The following CDCA3 variants were observed in gnomAD, a reference collection of about 807,000 sequenced individuals.
CDCA3 encodes cell division cycle associated 3.
A neutral mutation model predicts 29.1 loss-of-function variants in CDCA3; 16 were observed. The observed-to-expected ratio is 0.55, with a 90% CI of 0.37 to 0.83. The LOEUF is 0.83. Among genes scored for constraint, CDCA3 ranks in the 40% least tolerant of loss-of-function variants. The pLI is 0.00. For missense variants in CDCA3, 291 were observed against 327.2 expected (o/e 0.89, Z 0.85); for synonymous variants, 88 against 124.5 (o/e 0.71, Z 1.95).
rs1713215893 is a variant in CDCA3 at position 6,850,404 on chromosome 12, A to G, written c.250+63T>C. On this transcript the variant is annotated intron_variant, in intron 3 of 5. Coordinates refer to ENST00000538862, the MANE Select transcript of CDCA3 (RefSeq NM_031299.7). This position sits in a 1 kb window ranked among gnomAD's most constrained non-coding sequence, Gnocchi z 4.7. ...TAAGGAACCCTGAGAGAATGGCTTC[A>G]TGGACCCTACCCAAGAATAATAGAT... The G allele has an allele frequency of 6.2e-7, 1 of 1,604,260 alleles. No homozygotes were observed. The highest frequency in any genetic ancestry group is 1.7e-4 in the Middle Eastern group (1 of 5,958).
chr12:6,851,053 C>G (rs1429529249), intron 1 of CDCA3, 44 bp from the exon 2 acceptor site: 1 of 1,462,954 alleles, frequency 6.8e-7, no homozygotes, highest in Non-Finnish European at 9.0e-7. Flanking sequence ...TCTTCCACGT[C>G]GGACCTTCAA....
downstream of CDCA3, among the ~76,000 whole-genome samples, chr12:6,847,835 A>T (rs1555125115): frequency 6.6e-6 from 1 of 152,140 alleles, no homozygotes; most frequent in African/African-American, 2.4e-5. Context: ...CTGGGGAAAC[A>T]AGGTAGGAGG....
At chr12:6,847,838 G>T (rs78746537), downstream of CDCA3, among the ~76,000 whole-genome samples, 5,567 of 152,236 alleles carry the variant, frequency 0.037, 257 homozygotes, top group African/African-American at 0.097. Flanking sequence ...GGGAAACAAG[G>T]TAGGAGGCAG....
At position 6,849,697 on chromosome 12, in the gene CDCA3, G is replaced by C; in HGVS notation, c.412C>G (p.Pro138Ala). The C allele has an allele frequency of 1.2e-6, 2 of 1,614,130 alleles. No individual in the cohort carries two copies. The highest frequency in any genetic ancestry group is 1.7e-6 in the Non-Finnish European group (2 of 1,180,018). Reference sequence around the variant, plus strand: ...GAGGGGAACTCAGTCTGGTTCCAAGGTGGCATCTGTTCCTCAACAGATAAC... The same window carrying C: ...GAGGGGAACTCAGTCTGGTTCCAAGCTGGCATCTGTTCCTCAACAGATAAC... The part of the protein sequence containing the change: ...TQLSVEEQMP[P>A]WNQTEFPSKQ... Residue 138 changes from proline to alanine, a missense_variant, in exon 4 of 6, where the codon CCT (proline) becomes GCT (alanine). Pro to Ala is a conservative substitution (Grantham distance 27). Coordinates refer to ENST00000538862, the MANE Select transcript of CDCA3 (RefSeq NM_031299.7). The surrounding 1 kb of genome is among the most constrained non-coding windows in gnomAD (Gnocchi z 5.2).
Position 6,849,326 on chromosome 12 carries a change from T to C in CDCA3, c.648A>G (p.Arg216=). 1.3e-6 allele frequency: 2 copies of C among 1,599,384 alleles called. No individual in the cohort carries two copies. The highest frequency in any genetic ancestry group is 1.7e-6 in the Non-Finnish European group (2 of 1,172,288). The change falls in exon 5 of 6, where the codon CGA becomes CGG. Residue 216 remains arginine, a synonymous_variant. Coordinates refer to ENST00000538862, the MANE Select transcript of CDCA3 (RefSeq NM_031299.7). This position sits in a 1 kb window ranked among gnomAD's most constrained non-coding sequence, Gnocchi z 5.2. The part of the protein sequence containing the change: ...DDNSPGTLTL[R]QGKRPSPLSE... The stretch of plus-strand genomic sequence containing the variant: ...CTTGCACTTTCTCTTCCTTTACCTG[T>C]CGTAGTGTCAGGGTGCCAGGGGAGT...
Position 6,848,906 on chromosome 12 carries a change from G to T in CDCA3, c.*137C>A. On this transcript the variant is annotated 3_prime_UTR_variant, in exon 6 of 6. Transcript: ENST00000538862. ...CAAGACACAAAGAAAGCCCAATAAAGCTGTGAGTCCCAGTTTGGTAGCTGA... is the reference window on the plus strand; with the variant it reads ...CAAGACACAAAGAAAGCCCAATAAATCTGTGAGTCCCAGTTTGGTAGCTGA... 1.7e-6 allele frequency: 1 copy of T among 603,086 alleles called. No individual in the cohort carries two copies. 37.4% of individuals were successfully genotyped at this position (603,086 alleles called of 1,614,324 possible).
chr12:6,849,851 TG>T lies in CDCA3; in HGVS notation c.257del (p.Pro86GlnfsTer5), dbSNP rs782448572. 1 of 1,534,956 alleles carries T rather than the reference TG, an allele frequency of 6.5e-7. No individual in the cohort carries two copies. The highest frequency in any genetic ancestry group is 1.4e-5 in the African/African-American group (1 of 72,450). ...TPMKTSSGDP[P>X]SPLVKQLSEV... ...CACTCAGCTGTTTCACCAGTGGGCT[TG>T]GGGGGTCTAGAGGAAGAAAGTGAAG... On this transcript the variant is annotated frameshift_variant, in exon 4 of 6. Coordinates refer to ENST00000538862, the MANE Select transcript of CDCA3 (RefSeq NM_031299.7). LOFTEE classifies it high-confidence loss of function. This position sits in a 1 kb window ranked among gnomAD's most constrained non-coding sequence, Gnocchi z 5.2.
At chr12:6,846,588 A>C, downstream of CDCA3, 4 of 466,706 alleles carry the variant, frequency 8.6e-6, no homozygotes, top group Non-Finnish European at 1.2e-5. Context: ...TACCGAGTCT[A>C]GGATCCCTGC....
Position 6,850,453 on chromosome 12 carries a change from G to C in CDCA3, c.250+14C>G, listed in dbSNP as rs1555126110. On this transcript the variant is annotated intron_variant, in intron 3 of 5. Transcript: ENST00000538862. This position sits in a 1 kb window ranked among gnomAD's most constrained non-coding sequence, Gnocchi z 4.7. ...ATGACAGCTTCATCAGCATTCCCTGGGCCCAACGCTTACCTCCACTGCTGG... is the reference window on the plus strand; with the variant it reads ...ATGACAGCTTCATCAGCATTCCCTGCGCCCAACGCTTACCTCCACTGCTGG... 6.2e-7 allele frequency: 1 copy of C among 1,613,952 alleles called. No homozygotes were observed. The highest frequency in any genetic ancestry group is 8.5e-7 in the Non-Finnish European group (1 of 1,179,956).
Position 6,848,935 on chromosome 12 carries a change from G to C in CDCA3, c.*108C>G, listed in dbSNP as rs1286158412. The C allele has an allele frequency of 1.1e-5, 7 of 631,278 alleles. No individual in the cohort carries two copies. In the East Asian group the frequency reaches 1.9e-4, roughly 17 times the overall value. The allele number at this position is 631,278 out of a possible 1,614,324, so 39.1% of individuals were successfully genotyped here. A position where few individuals can be genotyped will look rare whatever the true frequency, so the allele number is the denominator to read the frequency against. On this transcript the variant is annotated 3_prime_UTR_variant, in exon 6 of 6. Coordinates refer to ENST00000538862, the MANE Select transcript of CDCA3 (RefSeq NM_031299.7). ...TGAGTCCCAGTTTGGTAGCTGAGGA[G>C]GAGTCTAAGAAAACAAGCCATTCCT...
At chr12:6,845,463 G>A (rs1555124405), downstream of CDCA3, 1 of 666,036 alleles carries the variant, frequency 1.5e-6, no homozygotes, top group African/African-American at 1.8e-5. Context: ...ACCAAGGGAG[G>A]GACAGGCAGG....
chr12:6,845,662 A>G, downstream of CDCA3: 1 of 1,614,084 alleles, frequency 6.2e-7, no homozygotes, highest in Non-Finnish European at 8.5e-7. Flanking sequence ...CGGGCAGACC[A>G]GGAGCTGATC....
downstream of CDCA3, chr12:6,845,823 C>T (rs780628128): frequency 1.6e-5 from 25 of 1,565,568 alleles, no homozygotes; most frequent in Non-Finnish European, 2.0e-5. Flanking sequence ...GCCCTGGCTG[C>T]TGCTTCCTCA....
chr12:6,845,898 C>T (rs1251561238), downstream of CDCA3: 6 of 842,932 alleles, frequency 7.1e-6, no homozygotes, highest in Admixed American at 7.2e-5. Flanking sequence ...CCATTTCGGA[C>T]TCTCTTACTG....
rs782316457 is a variant in CDCA3, at chr12:6,850,992, G to A, written c.-40C>T. On this transcript the variant is annotated 5_prime_UTR_variant, in exon 2 of 6. Coordinates refer to ENST00000538862, the MANE Select transcript of CDCA3 (RefSeq NM_031299.7). The surrounding 1 kb of genome is among the most constrained non-coding windows in gnomAD (Gnocchi z 4.7). ...GCAGGGTGGGGGCAAGGGCCAGCCC[G>A]GGACGAGGAGGGAATGCCTGTGAGA... 3.3e-5 allele frequency: 52 copies of A among 1,584,670 alleles called. 1 individual carries two copies. In the South Asian group the frequency reaches 4.3e-4, roughly 13 times the overall value.
At position 6,850,207 on chromosome 12, in the gene CDCA3, G is replaced by T; in HGVS notation, c.250+260C>A. 1.9e-6 allele frequency: 1 copy of T among 521,304 alleles called. No homozygotes were observed. Among genetic ancestry groups the T allele is most frequent in the South Asian group, 2.3e-5 (1 of 43,670 alleles). 32.3% of individuals were successfully genotyped at this position (521,304 alleles called of 1,614,324 possible). A position where few individuals can be genotyped will look rare whatever the true frequency, so the allele number is the denominator to read the frequency against. On this transcript the variant is annotated intron_variant, in intron 3 of 5. Transcript: ENST00000538862. The surrounding 1 kb of genome is among the most constrained non-coding windows in gnomAD (Gnocchi z 4.7). ...ATGTGTGTGTATTTTTTCTAGAGAT[G>T]GGGTTTTGCCATGTTGCCTAGGCTG...
At position 6,849,349 on chromosome 12, in the gene CDCA3, A is replaced by T. The variant is rs782558357; in HGVS notation, c.625T>A (p.Ser209Thr). 2.5e-6 allele frequency: 4 copies of T among 1,603,270 alleles called. No homozygotes were observed. In the African/African-American group the frequency reaches 5.4e-5, roughly 22 times the overall value. The change falls in exon 5 of 6, where the codon TCC (serine) becomes ACC (threonine). Residue 209 changes from serine to threonine, a missense_variant. Transcript: ENST00000538862. The surrounding 1 kb of genome is among the most constrained non-coding windows in gnomAD (Gnocchi z 5.2). ...TGTCGTAGTGTCAGGGTGCCAGGGG[A>T]GTTGTCATCCTGCAGGATGGTGAGG... ...SPLTILQDDNSPGTLTLRQGK... is the reference protein window; with the variant it reads ...SPLTILQDDNTPGTLTLRQGK...
chr12:6,846,304 T>A, downstream of CDCA3: 1 of 168,560 alleles, frequency 5.9e-6, no homozygotes, highest in South Asian at 1.6e-4. Context: ...AAATCCTAAT[T>A]CTGTTGCTCA....
At chr12:6,845,605 C>A (rs782545327), downstream of CDCA3, 2 of 1,611,460 alleles carry the variant, frequency 1.2e-6, no homozygotes, top group Non-Finnish European at 1.7e-6. Context: ...AATGGAGAGG[C>A]CATCTGCACG....
Sources: allele counts gnomAD v4.1 joint callset (sites outside exome capture counted in the v4.1 genomes callset), GRCh38; gene constraint gnomAD v4.1.1; non-coding constraint Gnocchi (gnomAD v3.1); transcripts MANE v1.5; gene names NCBI Gene and HGNC (gene_info 2026-07-23, HGNC 2026-07-21).